The following SLC30A9 variants were observed in gnomAD, a reference collection of about 807,000 sequenced individuals.
SLC30A9 encodes proton-coupled zinc antiporter SLC30A9, mitochondrial.
In SLC30A9, 58 loss-of-function variants were observed where a neutral mutation model predicts 87.5. The ratio of observed to expected loss-of-function variants is 0.66; its 90% CI spans 0.54 to 0.82. The LOEUF is 0.82. SLC30A9 is among the 40% of genes least tolerant of loss of function. The probability of loss-of-function intolerance (pLI) is 0.00; values close to 1 mark genes in which losing one functional copy is unlikely to be tolerated. For synonymous variants in SLC30A9, 234 were observed against 233.0 expected (o/e 1.00, Z -0.04); for missense variants, 557 against 679.1 (o/e 0.82, Z 2.00).
At chr4:41,995,846 AC>A (rs1402891896) in intron 1 of SLC30A9, among the ~76,000 whole-genome samples, 5 of 152,168 alleles carry the variant, frequency 3.3e-5, no homozygotes, top group Non-Finnish European at 7.3e-5. Flanking sequence ...AGTAGCTGGG[AC>A]CACAGGCTAG....
At chr4:42,014,779 T>G (rs1277960100) in intron 2 of SLC30A9, among the ~76,000 whole-genome samples, 1 of 152,178 alleles carries the variant, frequency 6.6e-6, no homozygotes, top group Non-Finnish European at 1.5e-5. Context: ...TGGAGGTTGT[T>G]ACGTTAAGTG....
In SLC30A9 at chr4:42,041,151, A is replaced by C. The variant is rs1716906562; in HGVS notation, c.737+2098A>C. ...CACAAGAACAACATGGGAAAGACCC[A>C]CCCTCATGCTTCAGTCATCTCCCAC... On this transcript the variant is annotated intron_variant, in intron 8 of 17. Transcript: ENST00000264451. 7.2e-5 allele frequency among the ~76,000 whole-genome samples: 11 copies of C among 152,126 alleles called. No homozygotes were observed. In the South Asian group the frequency reaches 2.3e-3, roughly 32 times the overall value.
At chr4:42,001,594 G>A (rs1714985713) in intron 1 of SLC30A9, 22 bp from the exon 2 acceptor site, 1 of 1,503,178 alleles carries the variant, frequency 6.7e-7, no homozygotes. Context: ...TGAAATTAAA[G>A]TATATATATT....
intron 8 of SLC30A9, among the ~76,000 whole-genome samples, chr4:42,042,475 A>G (rs1716962443): frequency 6.6e-6 from 1 of 152,146 alleles, no homozygotes; most frequent in East Asian, 1.9e-4. Context: ...AACTGGACAG[A>G]ACCCACCGTA....
intron 8 of SLC30A9, among the ~76,000 whole-genome samples, chr4:42,039,608 G>A (rs146588394): frequency 0.037 from 5,668 of 151,816 alleles, 134 homozygotes; most frequent in African/African-American, 0.042. Flanking sequence ...GATTATAGGT[G>A]CGCGCCATCA....
intron 6 of SLC30A9, among the ~76,000 whole-genome samples, chr4:42,030,599 T>TGGG (rs145068198): frequency 2.0e-5 from 3 of 148,440 alleles, no homozygotes; most frequent in African/African-American, 7.5e-5. Context: ...TTTTTTTTTT[T>TGGG]GGGCTCTTTC....
At position 41,990,585 on chromosome 4, in the gene SLC30A9, CAGTT is replaced by C; in HGVS notation, c.-66_-63del. 1 of 922,460 alleles carries C rather than the reference CAGTT, an allele frequency of 1.1e-6. No homozygotes were observed. Among genetic ancestry groups the C allele is most frequent in the Non-Finnish European group, 1.7e-6 (1 of 590,034 alleles). 57.1% of individuals were successfully genotyped at this position (922,460 alleles called of 1,614,324 possible). On this transcript the variant is annotated 5_prime_UTR_variant, in exon 1 of 18. The change abolishes the stop of an existing upstream ORF in the 5' untranslated region. Transcript: ENST00000264451. ...TTCGCTGATGTCCAGTCTATGGAGT[CAGTT>C]GGTACCGGTGGCGGCGCGGAGGCAG...
rs1269307806 is a variant in SLC30A9 at position 42,076,927 on chromosome 4, A to C, written c.1548+1141A>C. ...CAGTGAGCCTAGATCGTGCCACTGC[A>C]CTCCAGCCTGGGCGACAGAGCGAGA... is the stretch of plus-strand genomic sequence containing the variant. On this transcript the variant is annotated intron_variant, in intron 16 of 17. Transcript: ENST00000264451. Among the ~76,000 whole-genome samples, 15 of 147,640 alleles carry C rather than the reference A, an allele frequency of 1.0e-4. 1 individual carries two copies.
intron 1 of SLC30A9, among the ~76,000 whole-genome samples, chr4:41,999,798 A>T (rs910653835): frequency 6.6e-6 from 1 of 152,128 alleles, no homozygotes; most frequent in Non-Finnish European, 1.5e-5. Flanking sequence ...AAATTGTAAC[A>T]TTTGTAACAA....
intron 9 of SLC30A9, among the ~76,000 whole-genome samples, chr4:42,052,795 G>A (rs749327872): frequency 6.6e-6 from 1 of 152,134 alleles, no homozygotes; most frequent in Non-Finnish European, 1.5e-5. Context: ...AGAAAACCTA[G>A]GAGAATATCT....
intron 3 of SLC30A9, among the ~76,000 whole-genome samples, chr4:42,019,766 C>T (rs1180797076): frequency 6.6e-6 from 1 of 152,020 alleles, no homozygotes; most frequent in Non-Finnish European, 1.5e-5. Flanking sequence ...TTGAAAAGCA[C>T]TCAACTACTC....
intron 3 of SLC30A9, among the ~76,000 whole-genome samples, chr4:42,019,563 A>G (rs1429209304): frequency 6.6e-6 from 1 of 152,138 alleles, no homozygotes. Flanking sequence ...TTATTACATT[A>G]TGTGAAATGG....
At chr4:41,991,626 T>G (rs1255336889) in intron 1 of SLC30A9, among the ~76,000 whole-genome samples, 1 of 152,152 alleles carries the variant, frequency 6.6e-6, no homozygotes, top group African/African-American at 2.4e-5. Context: ...TACCGAAACA[T>G]TCATGTTCGA....
At chr4:42,064,700 A>T (rs79424442) in intron 11 of SLC30A9, among the ~76,000 whole-genome samples, 3,091 of 152,220 alleles carry the variant, frequency 0.02, 109 homozygotes, top group African/African-American at 0.069. Flanking sequence ...AAGTTTTAAA[A>T]CTTCTAAAAG....
At chr4:42,014,407 A>T (rs972049897) in intron 2 of SLC30A9, among the ~76,000 whole-genome samples, 11 of 152,184 alleles carry the variant, frequency 7.2e-5, no homozygotes, top group Non-Finnish European at 1.5e-4. Flanking sequence ...ATACAAAAAA[A>T]TTAGCTGGGT....
Position 42,067,202 on chromosome 4 carries a change from C to G in SLC30A9, c.1252+10C>G. On this transcript the variant is annotated intron_variant, in intron 14 of 17. Coordinates refer to ENST00000264451, the MANE Select transcript of SLC30A9 (RefSeq NM_006345.4). Reference sequence around the variant, plus strand: ...CTTACTTCTATAACAGGTAAATATTCCTTAAATTACAGGTGATTTATTTGT... The same window carrying G: ...CTTACTTCTATAACAGGTAAATATTGCTTAAATTACAGGTGATTTATTTGT... 7.0e-7 allele frequency: 1 copy of G among 1,438,746 alleles called. No homozygotes were observed. The highest frequency in any genetic ancestry group is 9.8e-7 in the Non-Finnish European group (1 of 1,021,552). The allele number at this position is 1,438,746 out of a possible 1,614,324, so 89.1% of individuals were successfully genotyped here.
At chr4:42,060,798 A>G (rs1717813270) in intron 10 of SLC30A9, among the ~76,000 whole-genome samples, 1 of 152,144 alleles carries the variant, frequency 6.6e-6, no homozygotes. Flanking sequence ...AACACTTTTG[A>G]ATTCCACAAA....
At chr4:42,018,607 C>A in intron 3 of SLC30A9, 1 of 273,516 alleles carries the variant, frequency 3.7e-6, no homozygotes, top group East Asian at 1.1e-4. Context: ...TTCCCATCTC[C>A]AAAGCAGCTG....
At chr4:42,022,165 C>T (rs1422421742) in intron 4 of SLC30A9, among the ~76,000 whole-genome samples, 3 of 151,598 alleles carry the variant, frequency 2.0e-5, no homozygotes, top group South Asian at 2.1e-4. Flanking sequence ...GAACTCCTGA[C>T]ATCAAGTGAT....
Sources: gnomAD v4.1 joint callset for allele counts (sites outside exome capture counted in the v4.1 genomes callset) on GRCh38, gnomAD v4.1.1 for gene constraint, MANE v1.5 for transcripts, NCBI Gene and HGNC (gene_info 2026-07-23, HGNC 2026-07-21) for gene names.